Variants in ATP23 observed in about 807,000 individuals in gnomAD.
The protein encoded by ATP23 is mitochondrial inner membrane protease ATP23 homolog.
In ATP23, 24 loss-of-function variants were observed where a neutral mutation model predicts 28.5. The ratio of observed to expected loss-of-function variants is 0.84; its 90% confidence interval spans 0.61 to 1.18. The LOEUF is 1.18. Ranked by LOEUF, ATP23 falls within the 50% of genes most tolerant of loss-of-function variation. The pLI is 0.00. For synonymous variants in ATP23, 99 were observed against 108.6 expected, an observed-to-expected ratio of 0.91 and a Z score of 0.55; for missense variants, 274 against 306.4, an observed-to-expected ratio of 0.89 and a Z score of 0.79.
In ATP23 at chr12:57,957,018, T is replaced by C; in HGVS notation, c.*128T>C. 2.8e-6 allele frequency: 2 copies of C among 703,624 alleles called. No homozygotes were observed. Among genetic ancestry groups the C allele is most frequent in the Non-Finnish European group, 4.1e-6 (2 of 484,580 alleles). The allele number at this position is 703,624 out of a possible 1,614,324, so 43.6% of individuals were successfully genotyped here. A position where few individuals can be genotyped will look rare whatever the true frequency, so the allele number is the denominator to read the frequency against. On this transcript the variant is annotated 3_prime_UTR_variant, in exon 6 of 6. Transcript: ENST00000300145. ...CCAGATAAAACAGAGAAGACTGTGA[T>C]TCTAGCATATTATCAGAAAAAGTAA...
chr12:57,955,070 G>T (rs1244130636), intron 5 of ATP23, among the ~76,000 whole-genome samples: 1 of 151,876 alleles, frequency 6.6e-6, no homozygotes, highest in Non-Finnish European at 1.5e-5. Flanking sequence ...TGGAAGCAGG[G>T]TACACATCAG....
chr12:57,942,052 C>T (rs1450573738), intron 1 of ATP23, among the ~76,000 whole-genome samples, 164 bp downstream of exon 1: 3 of 152,194 alleles, frequency 2.0e-5, no homozygotes, highest in Non-Finnish European at 4.4e-5. Context: ...GCTCAGTTTC[C>T]CCACTAGAGG....
chr12:57,948,283 T>A (rs922281937), intron 3 of ATP23, among the ~76,000 whole-genome samples: 6 of 152,224 alleles, frequency 3.9e-5, no homozygotes, highest in South Asian at 2.1e-4. Context: ...TATTATTTTT[T>A]AAATTATTAT....
chr12:57,950,337 C>T (rs1367767296), intron 3 of ATP23, among the ~76,000 whole-genome samples: 2 of 152,108 alleles, frequency 1.3e-5, no homozygotes, highest in African/African-American at 4.8e-5. Context: ...CTCCTTTTAG[C>T]TTCTCAAGCA....
At chr12:57,942,731 A>T (rs921245733) in intron 1 of ATP23, among the ~76,000 whole-genome samples, 2 of 150,428 alleles carry the variant, frequency 1.3e-5, no homozygotes, top group Non-Finnish European at 3.0e-5. Context: ...CCCAAAGTGT[A>T]TTTTTTTTTG....
At chr12:57,952,993 A>G (rs928095080) in intron 4 of ATP23, among the ~76,000 whole-genome samples, 1 of 152,032 alleles carries the variant, frequency 6.6e-6, no homozygotes, top group Admixed American at 6.6e-5. Context: ...TCATAGCGTG[A>G]CCAGTTTGGA....
chr12:57,952,635 G>A (rs11172393), intron 4 of ATP23, among the ~76,000 whole-genome samples: 1,711 of 152,222 alleles, frequency 0.011, 38 homozygotes, highest in African/African-American at 0.039. Context: ...ATATAACTTC[G>A]ATTATTTCCC....
intron 3 of ATP23, 68 bp downstream of exon 3, chr12:57,947,144 C>A (rs1470062394): frequency 4.2e-6 from 6 of 1,425,502 alleles, no homozygotes; most frequent in African/African-American, 1.4e-5. Flanking sequence ...GAGCATCTTC[C>A]ACATGCTCGG....
rs1399420053 is a variant in ATP23 at position 57,941,854 on chromosome 12, G to A, written c.153G>A (p.Lys51=). The part of the protein sequence containing the change: ...FFSSFFTSNQ[K]CQLRLLKTLE... ...CCAGCTTCTTCACCAGCAACCAGAA[G>A]TGCCAGCTTAGGCTCCTGAAGACGC... The change falls in exon 1 of 6, where the codon AAG becomes AAA. Residue 51 remains lysine (K), a synonymous_variant. Coordinates refer to ENST00000300145, the MANE Select transcript of ATP23 (RefSeq NM_033276.4). The A allele has an allele frequency of 1.2e-6, 2 of 1,613,570 alleles. No individual in the cohort carries two copies. The highest frequency in any genetic ancestry group is 2.7e-5 in the African/African-American group (2 of 74,886).
intron 5 of ATP23, among the ~76,000 whole-genome samples, chr12:57,955,605 A>G (rs886474374): frequency 2.0e-5 from 3 of 152,242 alleles, no homozygotes; most frequent in Non-Finnish European, 4.4e-5. Context: ...TGTGGTCTAC[A>G]CTTGTGTCTC....
chr12:57,946,015 G>A (rs1278553023), intron 2 of ATP23, among the ~76,000 whole-genome samples: 3 of 151,904 alleles, frequency 2.0e-5, no homozygotes, highest in Non-Finnish European at 4.4e-5. Flanking sequence ...ACAGGCGCAC[G>A]CCACCATGCC....
chr12:57,946,385 A>C (rs990974465), intron 2 of ATP23, among the ~76,000 whole-genome samples: 8 of 151,634 alleles, frequency 5.3e-5, no homozygotes, highest in Non-Finnish European at 1.2e-4. Context: ...ACTTCTTAAC[A>C]TTCTGGCCCA....
In ATP23 at chr12:57,941,738, G is replaced by T. The variant is rs369268420; in HGVS notation, c.37G>T (p.Ala13Ser). 3.1e-6 allele frequency: 5 copies of T among 1,595,910 alleles called. No homozygotes were observed. Among genetic ancestry groups the T allele is most frequent in the Non-Finnish European group, 3.4e-6 (4 of 1,172,394 alleles). The change falls in exon 1 of 6, where the codon GCG becomes TCG. Residue 13 changes from alanine (A) to serine (S), a missense_variant. Transcript: ENST00000300145. Reference protein sequence around the residue: ...GAPDERRRGPAAGEQLQQQHV... With the variant: ...GAPDERRRGPSAGEQLQQQHV... ...TCCGGACGAGCGCCGGCGGGGCCCC[G>T]CGGCAGGGGAGCAGCTGCAGCAGCA...
intron 3 of ATP23, among the ~76,000 whole-genome samples, chr12:57,947,632 A>T (rs1956775279): frequency 6.6e-6 from 1 of 152,120 alleles, no homozygotes; most frequent in Non-Finnish European, 1.5e-5. Flanking sequence ...GCCTGTGAAA[A>T]TTTTTTATTA....
At chr12:57,953,436 G>A (rs1384746880) in intron 4 of ATP23, among the ~76,000 whole-genome samples, 170 bp from the exon 5 acceptor site, 8 of 152,162 alleles carry the variant, frequency 5.3e-5, no homozygotes, top group Non-Finnish European at 1.0e-4. Context: ...ATTTGCTCTC[G>A]TTGTCAATAG....
Position 57,957,500 on chromosome 12 carries a change from C to T in ATP23, c.*610C>T, listed in dbSNP as rs1956879649. ...ACAAACCAGCAATACTGAGAGGACCCACAGACCCTCTGAAGGAAGCGACTG... is the reference window on the plus strand; with the variant it reads ...ACAAACCAGCAATACTGAGAGGACCTACAGACCCTCTGAAGGAAGCGACTG... On this transcript the variant is annotated 3_prime_UTR_variant, in exon 6 of 6. Coordinates refer to ENST00000300145, the MANE Select transcript of ATP23 (RefSeq NM_033276.4). Among the ~76,000 whole-genome samples, 1 of 152,126 alleles carries T rather than the reference C, an allele frequency of 6.6e-6. No homozygotes were observed. Among genetic ancestry groups the T allele is most frequent in the South Asian group, 2.1e-4 (1 of 4,836 alleles).
At chr12:57,950,889 G>A (rs145850924) in intron 3 of ATP23, among the ~76,000 whole-genome samples, 2 of 152,270 alleles carry the variant, frequency 1.3e-5, no homozygotes, top group East Asian at 3.9e-4. Context: ...TTGCATGTAT[G>A]TAAACATTTT....
intron 5 of ATP23, among the ~76,000 whole-genome samples, chr12:57,954,715 G>A (rs113864587): frequency 3.3e-5 from 5 of 152,192 alleles, no homozygotes; most frequent in Admixed American, 1.3e-4. Context: ...GAGTCAGTTT[G>A]TGAAGTATAT....
chr12:57,946,955 A>C (rs368277330), intron 2 of ATP23, 40 bp from the exon 3 acceptor site: 1 of 1,602,794 alleles, frequency 6.2e-7, no homozygotes, highest in Non-Finnish European at 8.5e-7. Context: ...TGCCACATAC[A>C]CACTGTTTCT....
Sources: gnomAD v4.1 joint callset for allele counts (sites outside exome capture counted in the v4.1 genomes callset) on GRCh38, gnomAD v4.1.1 for gene constraint, MANE v1.5 for transcripts, NCBI Gene and HGNC (gene_info 2026-07-23, HGNC 2026-07-21) for gene names.